OXR1: variants seen among roughly 807,000 people sequenced by gnomAD.
The protein encoded by OXR1 is oxidation resistance protein 1.
OXR1 carries 41 observed loss-of-function variants against 104.6 expected under a neutral mutation model. The observed-to-expected ratio is 0.39, with a 90% confidence interval of 0.31 to 0.51. The LOEUF (loss-of-function observed/expected upper bound fraction) is 0.51. Among genes scored for constraint, OXR1 ranks in the 20% least tolerant of loss-of-function variants. The pLI, the probability that OXR1 is intolerant of heterozygous loss-of-function variation, is 0.77. For synonymous variants in OXR1, 348 were observed against 348.4 expected (o/e 1.00, Z 0.01); for missense variants, 955 against 1,031.9 (o/e 0.93, Z 1.02).
chr8:106,508,834 A>G (rs1251815717), intron 2 of OXR1, among the ~76,000 whole-genome samples: 1 of 152,014 alleles, frequency 6.6e-6, no homozygotes, highest in Admixed American at 6.5e-5. Flanking sequence ...GTTGGACTAC[A>G]TTGTCATTTT....
intron 3 of OXR1, among the ~76,000 whole-genome samples, chr8:106,521,380 T>G (rs1402346217): frequency 6.6e-6 from 1 of 152,192 alleles, no homozygotes; most frequent in Non-Finnish European, 1.5e-5. Flanking sequence ...GATAGAGCCA[T>G]AGATCATTTA....
At chr8:106,303,280 G>A (rs1387924605) in intron 1 of OXR1, among the ~76,000 whole-genome samples, 6 of 114,908 alleles carry the variant, frequency 5.2e-5, no homozygotes, top group African/African-American at 3.4e-5. Context: ...TTGAGTCAGA[G>A]TCTCACTCTG....
chr8:106,725,287 C>T lies in OXR1; in HGVS notation c.1956+11302C>T, dbSNP rs541538485. On this transcript the variant is annotated intron_variant, in intron 11 of 16. Coordinates refer to ENST00000517566, the MANE Select transcript of OXR1 (RefSeq NM_001198533.2). ...GGGGTTTGGTTGGGATGCAGTATTG[C>T]GTGTTAGAAAGGTAGTGTGTGTGTG... is the stretch of plus-strand genomic sequence containing the variant. Among the ~76,000 whole-genome samples, 7 of 151,768 alleles carry T rather than the reference C, an allele frequency of 4.6e-5. No homozygotes were observed. The East Asian group carries it at 5.8e-4, about 13-fold the overall frequency.
rs56799247 is a variant in OXR1, at chr8:106,545,993, CA to C, written c.220+26869del. 4.6e-4 allele frequency among the ~76,000 whole-genome samples: 65 copies of C among 141,594 alleles called. 1 individual carries two copies. Among genetic ancestry groups the C allele is most frequent in the Admixed American group, 1.1e-3 (16 of 14,214 alleles). 92.9% of individuals were successfully genotyped at this position (141,594 alleles called of 152,430 possible). On this transcript the variant is annotated intron_variant, in intron 3 of 16. Transcript: ENST00000517566. ...CCTTGGTGACAGAGTGAGATTCTGT[CA>C]AAAAAAAAAAAAAATTGAATGATGC...
intron 2 of OXR1, among the ~76,000 whole-genome samples, chr8:106,471,714 T>G (rs948484529): frequency 6.6e-6 from 1 of 151,846 alleles, no homozygotes; most frequent in Non-Finnish European, 1.5e-5. Flanking sequence ...TTTTTAAAAT[T>G]TGCTCTGAAG....
chr8:106,722,930 T>C (rs567834686), intron 11 of OXR1, among the ~76,000 whole-genome samples: 2 of 152,344 alleles, frequency 1.3e-5, no homozygotes, highest in African/African-American at 4.8e-5. Context: ...ATGGTCTGTT[T>C]TGACTACTGA....
intron 11 of OXR1, chr8:106,726,452 A>T: frequency 1.9e-6 from 1 of 521,768 alleles, no homozygotes; most frequent in Non-Finnish European, 3.3e-6. Context: ...AAGTACCTTG[A>T]AGTTGTTTCT....
intron 2 of OXR1, among the ~76,000 whole-genome samples, chr8:106,364,185 A>G (rs1275358186): frequency 4.6e-5 from 7 of 152,254 alleles, no homozygotes; most frequent in Non-Finnish European, 8.8e-5. Context: ...TCTTCATTAC[A>G]TATGTATATC....
intron 1 of OXR1, among the ~76,000 whole-genome samples, chr8:106,274,604 C>CT (rs900261343): frequency 2.3e-5 from 3 of 133,084 alleles, no homozygotes; most frequent in Non-Finnish European, 3.3e-5. Flanking sequence ...AACGCCACCC[C>CT]CCCCCCGACC....
chr8:106,550,528 T>C (rs781128319), intron 3 of OXR1, among the ~76,000 whole-genome samples: 7 of 152,196 alleles, frequency 4.6e-5, no homozygotes, highest in Non-Finnish European at 1.0e-4. Context: ...GTTATTGTCA[T>C]AATCCCCACA....
intron 2 of OXR1, among the ~76,000 whole-genome samples, chr8:106,436,531 A>T (rs1410555635): frequency 6.6e-6 from 1 of 152,060 alleles, no homozygotes; most frequent in Non-Finnish European, 1.5e-5. Flanking sequence ...GCAAAAAAAA[A>T]AAATGAAGAT....
At chr8:106,385,511 G>A (rs1235350944) in intron 2 of OXR1, among the ~76,000 whole-genome samples, 1 of 152,010 alleles carries the variant, frequency 6.6e-6, no homozygotes, top group East Asian at 1.9e-4. Context: ...AACATGTGTT[G>A]AACACTCAGT....
chr8:106,435,308 G>A (rs966265183), intron 2 of OXR1, among the ~76,000 whole-genome samples: 5 of 152,126 alleles, frequency 3.3e-5, no homozygotes, highest in Non-Finnish European at 7.4e-5. Flanking sequence ...GCTCTCCTTG[G>A]CAGCAACACC....
At chr8:106,514,590 G>A (rs1322198133) in intron 2 of OXR1, among the ~76,000 whole-genome samples, 1 of 152,080 alleles carries the variant, frequency 6.6e-6, no homozygotes, top group Non-Finnish European at 1.5e-5. Flanking sequence ...CTGGAGCTCA[G>A]TGCCACGTCC....
intron 2 of OXR1, among the ~76,000 whole-genome samples, chr8:106,468,419 C>A (rs546521406): frequency 1.2e-4 from 18 of 151,724 alleles, no homozygotes; most frequent in African/African-American, 3.4e-4. Context: ...CACACACACA[C>A]ACAAAAAACA....
intron 15 of OXR1, among the ~76,000 whole-genome samples, chr8:106,742,674 C>T (rs577635851): frequency 1.3e-5 from 2 of 152,130 alleles, no homozygotes; most frequent in South Asian, 2.1e-4. Context: ...CTTTGACAAA[C>T]CTGACAAAAA....
chr8:106,312,476 C>G (rs1813747406), intron 1 of OXR1, among the ~76,000 whole-genome samples: 1 of 152,166 alleles, frequency 6.6e-6, no homozygotes, highest in African/African-American at 2.4e-5. Context: ...ATTCAGCATA[C>G]TATTAATTAC....
chr8:106,350,838 G>A (rs1013984377), intron 1 of OXR1, among the ~76,000 whole-genome samples: 1 of 152,130 alleles, frequency 6.6e-6, no homozygotes, highest in African/African-American at 2.4e-5. Flanking sequence ...GAAATAGAAT[G>A]TCAGGATTAT....
intron 2 of OXR1, among the ~76,000 whole-genome samples, chr8:106,473,967 TTATATATTA>T (rs952731976): frequency 4.8e-5 from 7 of 145,524 alleles, no homozygotes; most frequent in East Asian, 2.0e-4. Flanking sequence ...ATGAATCTAG[TTATATATTA>T]TATATATTAT....
Sources: gnomAD v4.1 joint callset for allele counts (sites outside exome capture counted in the v4.1 genomes callset) on GRCh38, gnomAD v4.1.1 for gene constraint, MANE v1.5 for transcripts, NCBI Gene and HGNC (gene_info 2026-07-23, HGNC 2026-07-21) for gene names.